Variants in LANCL2 observed in about 807,000 individuals in gnomAD.
The protein encoded by LANCL2 is LanC like glutathione S-transferase 2, also known as lanC-like protein 2.
LANCL2 carries 33 observed loss-of-function variants against 56.9 expected under a neutral mutation model. The ratio of observed to expected loss-of-function variants is 0.58; its 90% CI spans 0.44 to 0.78. The LOEUF is 0.78. Ranked by LOEUF, LANCL2 falls within the 30% of genes least tolerant of loss-of-function variation. The pLI is 0.00. For missense variants in LANCL2, 562 were observed against 580.2 expected (o/e 0.97, Z 0.32); for synonymous variants, 233 against 228.2 (o/e 1.02, Z -0.19).
At chr7:55,398,216 T>G (rs574128402) in intron 2 of LANCL2, among the ~76,000 whole-genome samples, 1 of 152,350 alleles carries the variant, frequency 6.6e-6, no homozygotes, top group South Asian at 2.1e-4. Flanking sequence ...AAACATGGTT[T>G]CTGTTCTTTC....
intron 8 of LANCL2, among the ~76,000 whole-genome samples, chr7:55,429,987 C>T (rs955684713): frequency 3.9e-5 from 6 of 152,242 alleles, no homozygotes; most frequent in Non-Finnish European, 7.3e-5. Flanking sequence ...GGAGGGCTCA[C>T]TGGCACCTGG....
rs534796232 is a variant in LANCL2, at chr7:55,424,759, C to T, written c.1009-495C>T. Among the ~76,000 whole-genome samples the T allele has an allele frequency of 5.0e-3, 755 of 152,312 alleles. 16 individuals are homozygous for T. Among genetic ancestry groups the T allele is most frequent in the African/African-American group, 0.017 (720 of 41,548 alleles). On this transcript the variant is annotated intron_variant, in intron 6 of 8. Coordinates refer to ENST00000254770, the MANE Select transcript of LANCL2 (RefSeq NM_018697.4). Reference sequence around the variant, plus strand: ...GGGCTGCACAGCAGGAGGTGAGCAGCAGCGAGCAAGCGAAGCTTCAACTGT... The same window carrying T: ...GGGCTGCACAGCAGGAGGTGAGCAGTAGCGAGCAAGCGAAGCTTCAACTGT...
intron 1 of LANCL2, among the ~76,000 whole-genome samples, chr7:55,387,866 C>A (rs921657137): frequency 1.3e-5 from 2 of 152,074 alleles, no homozygotes; most frequent in African/African-American, 4.8e-5. Context: ...TGTAAAATTT[C>A]TTATTATACC....
chr7:55,407,557 G>A (rs991035860), intron 5 of LANCL2, among the ~76,000 whole-genome samples: 13 of 152,344 alleles, frequency 8.5e-5, no homozygotes, highest in African/African-American at 2.9e-4. Flanking sequence ...GGGCGTTTTT[G>A]AATGAGATTT....
intron 1 of LANCL2, among the ~76,000 whole-genome samples, chr7:55,380,777 G>A (rs376058691): frequency 1.3e-5 from 2 of 151,828 alleles, no homozygotes; most frequent in South Asian, 2.1e-4. Flanking sequence ...GAAGGAGGGA[G>A]GTTCTGTAGA....
chr7:55,421,930 C>T (rs1485987427), intron 6 of LANCL2, among the ~76,000 whole-genome samples: 1 of 152,096 alleles, frequency 6.6e-6, no homozygotes, highest in East Asian at 1.9e-4. Context: ...AGGGTCCTCA[C>T]TATGTTGCCC....
intron 4 of LANCL2, 38 bp from the exon 5 acceptor site, chr7:55,401,136 T>C (rs374872151): frequency 1.1e-4 from 180 of 1,585,884 alleles, no homozygotes; most frequent in Non-Finnish European, 1.5e-4. Flanking sequence ...AGGGTACATA[T>C]ACAGTTTTAG....
chr7:55,366,305 G>A lies in LANCL2; in HGVS notation c.204+76G>A, dbSNP rs578040775. 1,432 of 1,283,028 alleles carry A rather than the reference G, an allele frequency of 1.1e-3. 18 individuals are homozygous for A. In the African/African-American group the frequency reaches 0.02, roughly 18 times the overall value. 79.5% of individuals were successfully genotyped at this position (1,283,028 alleles called of 1,614,324 possible). ...GTAGCGTCCACCTTCCGCCAGGCGT[G>A]ACGTCACAGGCGCGCGCCGGGCTTG... On this transcript the variant is annotated intron_variant, in intron 1 of 8. Coordinates refer to ENST00000254770, the MANE Select transcript of LANCL2 (RefSeq NM_018697.4).
At chr7:55,377,409 A>G (rs1180638279) in intron 1 of LANCL2, among the ~76,000 whole-genome samples, 4 of 152,184 alleles carry the variant, frequency 2.6e-5, no homozygotes, top group African/African-American at 4.8e-5. Context: ...AGTATCACCC[A>G]GTGTCTGTCT....
intron 6 of LANCL2, among the ~76,000 whole-genome samples, chr7:55,419,495 G>A (rs1183777861): frequency 6.8e-6 from 1 of 147,380 alleles, no homozygotes; most frequent in Non-Finnish European, 1.5e-5. Flanking sequence ...TCCGCCTCCC[G>A]GGTTCAGGCA....
chr7:55,390,157 G>T (rs1383416855), intron 1 of LANCL2, among the ~76,000 whole-genome samples: 1 of 152,164 alleles, frequency 6.6e-6, no homozygotes, highest in Non-Finnish European at 1.5e-5. Context: ...GAGTCGGTTT[G>T]TCAGGAAGAC....
intron 5 of LANCL2, 133 bp from the exon 6 acceptor site, chr7:55,411,774 G>A (rs1400696267): frequency 1.2e-6 from 1 of 864,386 alleles, no homozygotes; most frequent in Non-Finnish European, 1.8e-6. Context: ...TAAATAACCA[G>A]ATAGTTGAAT....
chr7:55,392,820 G>A (rs1215126942), intron 2 of LANCL2, among the ~76,000 whole-genome samples: 3 of 151,988 alleles, frequency 2.0e-5, no homozygotes, highest in African/African-American at 4.8e-5. Context: ...ATGAAAATGT[G>A]TAACTATTAA....
intron 5 of LANCL2, among the ~76,000 whole-genome samples, chr7:55,402,632 G>A (rs1268426451): frequency 1.2e-4 from 13 of 110,998 alleles, no homozygotes; most frequent in South Asian, 5.7e-4. Context: ...CGGATGGGGC[G>A]GCTGGCTGGG....
In LANCL2 at chr7:55,401,297, G is replaced by A; in HGVS notation, c.802G>A (p.Gly268Arg). The A allele has an allele frequency of 6.2e-7, 1 of 1,613,872 alleles. No homozygotes were observed. The highest frequency in any genetic ancestry group is 8.5e-7 in the Non-Finnish European group (1 of 1,179,880). The change falls in exon 5 of 9, where the codon GGA becomes AGA. Residue 268 changes from glycine (G) to arginine (R), a missense_variant. Transcript: ENST00000254770. ...CGTTGGAGCAGCCCATGGCATGGCTGGAATTTACTATATGTTAATGCAGGT... is the reference window on the plus strand; with the variant it reads ...CGTTGGAGCAGCCCATGGCATGGCTAGAATTTACTATATGTTAATGCAGGT... Reference protein sequence around the residue: ...QYVGAAHGMAGIYYMLMQPAA... With the variant: ...QYVGAAHGMARIYYMLMQPAA...
At chr7:55,370,133 G>C (rs1157222759) in intron 1 of LANCL2, among the ~76,000 whole-genome samples, 1 of 152,110 alleles carries the variant, frequency 6.6e-6, no homozygotes, top group Non-Finnish European at 1.5e-5. Context: ...TCTGCTCCAG[G>C]CTCATTCACA....
At chr7:55,420,250 G>A (rs1790593980) in intron 6 of LANCL2, among the ~76,000 whole-genome samples, 1 of 151,872 alleles carries the variant, frequency 6.6e-6, no homozygotes, top group African/African-American at 2.4e-5. Context: ...AATATTTTAT[G>A]TCTTGTTTTC....
chr7:55,402,885 G>C (rs1045097908), intron 5 of LANCL2, among the ~76,000 whole-genome samples: 1 of 150,862 alleles, frequency 6.6e-6, no homozygotes, highest in Non-Finnish European at 1.5e-5. Flanking sequence ...ACGATGGGCG[G>C]CCTGGCAGAG....
At position 55,419,123 on chromosome 7, in the gene LANCL2, G is replaced by T. The variant is rs115628590; in HGVS notation, c.1009-6131G>T. Reference sequence around the variant, plus strand: ...AGGAATCAGGTATCAGGATTATGCTGGTCACGTACATGAGTTGGAAAGTGT... The same window carrying T: ...AGGAATCAGGTATCAGGATTATGCTTGTCACGTACATGAGTTGGAAAGTGT... On this transcript the variant is annotated intron_variant, in intron 6 of 8. Transcript: ENST00000254770. 1.3e-3 allele frequency among the ~76,000 whole-genome samples: 199 copies of T among 152,048 alleles called. 3 individuals are homozygous for T. Among genetic ancestry groups the T allele is most frequent in the African/African-American group, 4.6e-3 (191 of 41,498 alleles).
Sources: gnomAD v4.1 joint callset for allele counts (sites outside exome capture counted in the v4.1 genomes callset) on GRCh38, gnomAD v4.1.1 for gene constraint, MANE v1.5 for transcripts, NCBI Gene and HGNC (gene_info 2026-07-23, HGNC 2026-07-21) for gene names.